TBCD: variants seen among roughly 807,000 people sequenced by gnomAD.
The protein encoded by TBCD is tubulin-specific chaperone D.
Under a neutral mutation model 169.3 loss-of-function variants are expected in TBCD, and 105 were observed. The observed-to-expected ratio is 0.62, with a 90% CI of 0.53 to 0.73. The LOEUF is 0.73. Among genes scored for constraint, TBCD ranks in the 30% least tolerant of loss-of-function variants. TBCD has a pLI of 0.00. For synonymous variants in TBCD, 700 were observed against 643.9 expected, an observed-to-expected ratio of 1.09 and a Z score of -1.32; for missense variants, 1,444 against 1,600.1, an observed-to-expected ratio of 0.90 and a Z score of 1.66.
chr17:82,921,416 G>T, intron 24 of TBCD, 85 bp from the exon 25 acceptor site: 2 of 1,070,238 alleles, frequency 1.9e-6, no homozygotes, highest in East Asian at 4.7e-5. Flanking sequence ...TTTAAGATTA[G>T]TATTAATAGA....
chr17:82,781,122 G>C (rs1019860959), intron 6 of TBCD, among the ~76,000 whole-genome samples: 15 of 152,170 alleles, frequency 9.9e-5, no homozygotes, highest in Non-Finnish European at 1.5e-4. Flanking sequence ...TGCACAAGAC[G>C]CATGGCAGGT....
intron 13 of TBCD, among the ~76,000 whole-genome samples, chr17:82,838,357 A>G (rs1433414378): frequency 1.3e-5 from 2 of 151,914 alleles, no homozygotes; most frequent in Non-Finnish European, 2.9e-5. Flanking sequence ...CTTTGATAGG[A>G]CACAGCGGAA....
At position 82,859,565 on chromosome 17, in the gene TBCD, C is replaced by T. The variant is rs557339909; in HGVS notation, c.1319-10659C>T. 2.7e-5 allele frequency: 27 copies of T among 985,438 alleles called. 1 individual carries two copies. Among genetic ancestry groups the T allele is most frequent in the South Asian group, 1.4e-4 (3 of 21,272 alleles). 61.0% of individuals were successfully genotyped at this position (985,438 alleles called of 1,614,324 possible). On this transcript the variant is annotated intron_variant, in intron 13 of 38. Transcript: ENST00000355528. ...CACACAAGCTGTGACTTCAGGGCTA[C>T]GGAAGTTGCTCTGTGGTTTCCGGCA...
chr17:82,839,729 G>T (rs79313350), intron 13 of TBCD, among the ~76,000 whole-genome samples: 19,823 of 152,214 alleles, frequency 0.13, 1,418 homozygotes, highest in South Asian at 0.3. Flanking sequence ...TTAGAATAAA[G>T]TGTCAGCCTC....
chr17:82,927,092 C>A, intron 28 of TBCD, 94 bp from the exon 29 acceptor site: 2 of 1,557,714 alleles, frequency 1.3e-6, no homozygotes, highest in Admixed American at 1.7e-5. Flanking sequence ...CTGAGCGTGT[C>A]TTCTCAGGAT....
rs772310637 is a variant in TBCD at position 82,800,999 on chromosome 17, A to G, written c.950+3A>G. On this transcript the variant is annotated splice_donor_region_variant and intron_variant, in intron 9 of 38. Coordinates refer to ENST00000355528, the MANE Select transcript of TBCD (RefSeq NM_005993.5). ...AAGCCGAAGGTGGCAGCATGGAGGT[A>G]GGCACCATGAGGGCGGTGCCTGGGG... 2.1e-6 allele frequency: 3 copies of G among 1,425,896 alleles called. No homozygotes were observed. Among genetic ancestry groups the G allele is most frequent in the South Asian group, 2.4e-5 (2 of 85,040 alleles). 88.3% of individuals were successfully genotyped at this position (1,425,896 alleles called of 1,614,324 possible). A position where few individuals can be genotyped will look rare whatever the true frequency, so the allele number is the denominator to read the frequency against.
chr17:82,908,270 A>G, intron 21 of TBCD: 1 of 456,616 alleles, frequency 2.2e-6, no homozygotes, highest in South Asian at 1.6e-5. Context: ...GGCACACAGA[A>G]CGAGCACAGA....
chr17:82,841,104 G>A (rs1241853154), intron 13 of TBCD, among the ~76,000 whole-genome samples: 1 of 150,830 alleles, frequency 6.6e-6, no homozygotes, highest in East Asian at 1.9e-4. Context: ...CACCACGCCC[G>A]GCTAATTTTT....
intron 19 of TBCD, among the ~76,000 whole-genome samples, chr17:82,904,888 C>T (rs980110454): frequency 2.0e-5 from 3 of 152,170 alleles, no homozygotes; most frequent in Non-Finnish European, 2.9e-5. Flanking sequence ...GTCCTCCACC[C>T]GGTTGAAGAG....
intron 12 of TBCD, among the ~76,000 whole-genome samples, chr17:82,812,471 C>T (rs1213609307): frequency 6.6e-6 from 1 of 152,216 alleles, no homozygotes; most frequent in Non-Finnish European, 1.5e-5. Context: ...CCAGAGCCCC[C>T]CCGCAGGTGA....
At chr17:82,804,841 C>T (rs1027234674) in intron 9 of TBCD, among the ~76,000 whole-genome samples, 5 of 152,334 alleles carry the variant, frequency 3.3e-5, no homozygotes, top group Middle Eastern at 3.4e-3. Flanking sequence ...TGGAAACTGC[C>T]CCCCTCCTTG....
chr17:82,939,257 C>G (rs1470373213), intron 36 of TBCD, 110 bp from the exon 37 acceptor site: 5 of 841,696 alleles, frequency 5.9e-6, no homozygotes, highest in Middle Eastern at 2.8e-4. Context: ...GGTCAGCGTC[C>G]TCCTCCTGAC....
intron 37 of TBCD, among the ~76,000 whole-genome samples, chr17:82,940,077 G>C (rs946105961): frequency 5.3e-5 from 8 of 152,138 alleles, no homozygotes; most frequent in Non-Finnish European, 1.2e-4. Flanking sequence ...GGGTGGGAGG[G>C]TCTGAATGAG....
At position 82,930,785 on chromosome 17, in the gene TBCD, C is replaced by T; in HGVS notation, c.3113+142C>T. On this transcript the variant is annotated intron_variant, in intron 33 of 38. Transcript: ENST00000355528. The surrounding 1 kb of genome is among the most constrained non-coding windows in gnomAD (Gnocchi z 5.2). ...ACACACGCTGTACCAGTTGGTGGCT[C>T]AGCGAGGAAGATGTGCCTGCAGCAT... The T allele has an allele frequency of 7.3e-7, 1 of 1,361,710 alleles. No homozygotes were observed. Among genetic ancestry groups the T allele is most frequent in the Non-Finnish European group, 9.9e-7 (1 of 1,006,316 alleles). The allele number at this position is 1,361,710 out of a possible 1,614,324, so 84.4% of individuals were successfully genotyped here. A position where few individuals can be genotyped will look rare whatever the true frequency, so the allele number is the denominator to read the frequency against.
chr17:82,767,752 C>G (rs1419069863), intron 4 of TBCD, among the ~76,000 whole-genome samples: 5 of 152,030 alleles, frequency 3.3e-5, no homozygotes, highest in Admixed American at 2.0e-4. Flanking sequence ...GTCAGGAGAT[C>G]GAGACCATCC....
chr17:82,815,951 C>T (rs769671474), intron 13 of TBCD, among the ~76,000 whole-genome samples: 10 of 151,996 alleles, frequency 6.6e-5, no homozygotes, highest in Non-Finnish European at 1.3e-4. Context: ...TTTAAGTGTA[C>T]GGTTAAGTGG....
Position 82,903,510 on chromosome 17 carries a change from C to G in TBCD, c.1804+32C>G. 6.4e-7 allele frequency: 1 copy of G among 1,566,520 alleles called. No individual in the cohort carries two copies. Among genetic ancestry groups the G allele is most frequent in the Non-Finnish European group, 8.7e-7 (1 of 1,154,590 alleles). On this transcript the variant is annotated intron_variant, in intron 19 of 38. Coordinates refer to ENST00000355528, the MANE Select transcript of TBCD (RefSeq NM_005993.5). This position sits in a 1 kb window ranked among gnomAD's most constrained non-coding sequence, Gnocchi z 4.8. The stretch of plus-strand genomic sequence containing the variant: ...GTGTGTCCCGGCCGGCCTGCGGGCA[C>G]CATGCATGCACTGCAGAAAGGCCTG...
intron 13 of TBCD, among the ~76,000 whole-genome samples, chr17:82,850,129 TGTTGTTG>T (rs1175902124): frequency 2.0e-4 from 18 of 89,174 alleles, no homozygotes; most frequent in East Asian, 7.1e-4. Flanking sequence ...TTGGCTGTGT[TGTTGTTG>T]GCTGTGCTGT....
At position 82,769,987 on chromosome 17, in the gene TBCD, A is replaced by G. The variant is rs546645092; in HGVS notation, c.582+1421A>G. Among the ~76,000 whole-genome samples the G allele has an allele frequency of 2.8e-4, 43 of 152,242 alleles. No homozygotes were observed. The South Asian group carries it at 8.9e-3, about 32-fold the overall frequency. On this transcript the variant is annotated intron_variant, in intron 5 of 38. Coordinates refer to ENST00000355528, the MANE Select transcript of TBCD (RefSeq NM_005993.5). ...ATTCTCCTTCATGAGGCTGTTGACA[A>G]TTCTTACCCTCGTTTAACCGAGAAG...
Sources: allele counts gnomAD v4.1 joint callset (sites outside exome capture counted in the v4.1 genomes callset), GRCh38; gene constraint gnomAD v4.1.1; non-coding constraint Gnocchi (gnomAD v3.1); transcripts MANE v1.5; gene names NCBI Gene and HGNC (gene_info 2026-07-23, HGNC 2026-07-21).